The following XKR3 variants were observed in gnomAD, a reference collection of about 807,000 sequenced individuals.
The protein encoded by XKR3 is XK related 3.
In XKR3, 27 loss-of-function variants were observed where a neutral mutation model predicts 40.3. The observed-to-expected ratio is 0.67, with a 90% CI of 0.49 to 0.92. XKR3 has a LOEUF of 0.92. XKR3 is among the 40% of genes least tolerant of loss of function. XKR3 has a pLI of 0.00. For synonymous variants in XKR3, 193 were observed against 195.4 expected, an observed-to-expected ratio of 0.99 and a Z score of 0.10; for missense variants, 472 against 537.6, an observed-to-expected ratio of 0.88 and a Z score of 1.21.
At chr22:16,784,519 A>G in intron 3 of XKR3, 110 bp from the exon 4 acceptor site, 1 of 1,013,832 alleles carries the variant, frequency 9.9e-7, no homozygotes, top group Non-Finnish European at 1.4e-6. Context: ...CACCTCCTTT[A>G]GAAAATCATT....
rs181612946 is a variant in XKR3 at position 16,820,757 on chromosome 22, A to T, written c.-11+4534T>A. On this transcript the variant is annotated intron_variant, in intron 1 of 3. Coordinates refer to ENST00000684488, the MANE Select transcript of XKR3 (RefSeq NM_001386955.1). ...TAAGAAATGACAGAGTAATCAGGAA[A>T]TAATTGTGATGACAGGTAAATAATA... is the stretch of plus-strand genomic sequence containing the variant. Among the ~76,000 whole-genome samples the T allele has an allele frequency of 3.2e-3, 483 of 152,336 alleles. 4 individuals are homozygous for T. Among genetic ancestry groups the T allele is most frequent in the Non-Finnish European group, 4.7e-3 (323 of 68,030 alleles).
At chr22:16,795,562 GA>G (rs1342561977) in intron 3 of XKR3, among the ~76,000 whole-genome samples, 3 of 151,980 alleles carry the variant, frequency 2.0e-5, no homozygotes, top group African/African-American at 7.3e-5. Flanking sequence ...AGAAGTTAAT[GA>G]AACTGAGATG....
chr22:16,802,336 T>A (rs1466938498), intron 2 of XKR3, among the ~76,000 whole-genome samples: 6 of 152,008 alleles, frequency 3.9e-5, no homozygotes, highest in Non-Finnish European at 7.4e-5. Flanking sequence ...GAAGGAAAAA[T>A]TTATAGATAC....
intron 3 of XKR3, among the ~76,000 whole-genome samples, chr22:16,790,289 C>A (rs1273486137): frequency 3.4e-5 from 4 of 116,294 alleles, no homozygotes; most frequent in Admixed American, 1.8e-4. Flanking sequence ...CCACAAGCAA[C>A]AAAACCACCA....
intron 1 of XKR3, among the ~76,000 whole-genome samples, chr22:16,814,605 G>A (rs150252588): frequency 6.6e-6 from 1 of 152,084 alleles, no homozygotes; most frequent in East Asian, 1.9e-4. Context: ...ATGAATATTG[G>A]ATATCTTTCC....
chr22:16,816,524 C>A (rs1411136338), intron 1 of XKR3, among the ~76,000 whole-genome samples: 4 of 151,490 alleles, frequency 2.6e-5, no homozygotes, highest in African/African-American at 9.7e-5. Context: ...AAAAAAAACC[C>A]ACACAAATTC....
intron 2 of XKR3, among the ~76,000 whole-genome samples, chr22:16,802,088 T>A (rs927986892): frequency 6.6e-6 from 1 of 152,196 alleles, no homozygotes; most frequent in Non-Finnish European, 1.5e-5. Flanking sequence ...TCTCACCACA[T>A]AATCCAATGG....
At chr22:16,817,618 G>A (rs2060239273) in intron 1 of XKR3, among the ~76,000 whole-genome samples, 1 of 151,978 alleles carries the variant, frequency 6.6e-6, no homozygotes, top group African/African-American at 2.4e-5. Context: ...ACTCAGAAAT[G>A]GTCTCTTCCC....
intron 2 of XKR3, among the ~76,000 whole-genome samples, chr22:16,802,960 A>C (rs1306433129): frequency 6.6e-6 from 1 of 152,216 alleles, no homozygotes; most frequent in African/African-American, 2.4e-5. Flanking sequence ...GTTGGCCATG[A>C]AAGTAAGACT....
chr22:16,787,190 G>GA (rs1201993037), intron 3 of XKR3, among the ~76,000 whole-genome samples: 57 of 146,640 alleles, frequency 3.9e-4, no homozygotes, highest in Non-Finnish European at 6.0e-4. Flanking sequence ...ACAGTCAGAA[G>GA]AAAAAAAAAA....
chr22:16,794,083 T>C (rs1690300159), intron 3 of XKR3, among the ~76,000 whole-genome samples: 3 of 152,180 alleles, frequency 2.0e-5, no homozygotes, highest in Admixed American at 2.0e-4. Flanking sequence ...CTCACCAGCA[T>C]TCCAGAGAGA....
At chr22:16,809,846 C>A (rs1601848445) in intron 1 of XKR3, among the ~76,000 whole-genome samples, 1 of 152,186 alleles carries the variant, frequency 6.6e-6, no homozygotes, top group South Asian at 2.1e-4. Context: ...GCAGCCTCAA[C>A]CTCCCAAGCT....
chr22:16,799,766 C>T lies in XKR3; in HGVS notation c.589+5G>A. Reference sequence around the variant, plus strand: ...TGTCTTTCAGCATCAAGTAACTCAACTTACCTCTATTCAAAGGCCATTCTC... The same window carrying T: ...TGTCTTTCAGCATCAAGTAACTCAATTTACCTCTATTCAAAGGCCATTCTC... On this transcript the variant is annotated splice_donor_5th_base_variant and intron_variant, in intron 3 of 3. Coordinates refer to ENST00000684488, the MANE Select transcript of XKR3 (RefSeq NM_001386955.1). 3 of 1,613,670 alleles carry T rather than the reference C, an allele frequency of 1.9e-6. No homozygotes were observed. Among genetic ancestry groups the T allele is most frequent in the South Asian group, 2.2e-5 (2 of 91,050 alleles).
chr22:16,813,022 C>T (rs1601849854), intron 1 of XKR3, among the ~76,000 whole-genome samples: 1 of 152,180 alleles, frequency 6.6e-6, no homozygotes, highest in African/African-American at 2.4e-5. Flanking sequence ...CGGTGGCTCA[C>T]GCCTGTAATC....
At chr22:16,797,627 C>T (rs1312871330) in intron 3 of XKR3, among the ~76,000 whole-genome samples, 4 of 151,360 alleles carry the variant, frequency 2.6e-5, no homozygotes, top group Non-Finnish European at 4.4e-5. Context: ...CCCGTCTCTA[C>T]TAAAAATACA....
intron 2 of XKR3, among the ~76,000 whole-genome samples, chr22:16,803,226 C>T (rs2060176558): frequency 6.6e-6 from 1 of 152,024 alleles, no homozygotes; most frequent in South Asian, 2.1e-4. Flanking sequence ...ATTAAAAATG[C>T]TATAGCCTGT....
intron 3 of XKR3, among the ~76,000 whole-genome samples, chr22:16,791,775 GA>G: frequency 2.7e-5 from 2 of 73,504 alleles, no homozygotes; most frequent in East Asian, 4.4e-4. Context: ...GAGGGAGAGA[GA>G]GGGAGAGAGA....
At chr22:16,812,322 C>G (rs1156794568) in intron 1 of XKR3, among the ~76,000 whole-genome samples, 2 of 152,164 alleles carry the variant, frequency 1.3e-5, no homozygotes, top group African/African-American at 4.8e-5. Context: ...ACAACTTTAA[C>G]CAAGATTTAA....
intron 1 of XKR3, among the ~76,000 whole-genome samples, chr22:16,808,822 AAATG>A (rs2060201349): frequency 1.3e-5 from 2 of 152,312 alleles, no homozygotes; most frequent in East Asian, 3.9e-4. Flanking sequence ...ATATAAAACA[AAATG>A]AATAAGAAGG....
Sources: allele counts gnomAD v4.1 joint callset (sites outside exome capture counted in the v4.1 genomes callset), GRCh38; gene constraint gnomAD v4.1.1; transcripts MANE v1.5; gene names NCBI Gene and HGNC (gene_info 2026-07-23, HGNC 2026-07-21).